The following NPSR1 variants were observed in gnomAD, a reference collection of about 807,000 sequenced individuals.
NPSR1 encodes the protein neuropeptide S receptor.
In NPSR1, 48 loss-of-function variants were observed where a neutral mutation model predicts 46.9. The ratio of observed to expected loss-of-function variants is 1.02; its 90% CI spans 0.81 to 1.30. The LOEUF (loss-of-function observed/expected upper bound fraction) is 1.30. Ranked by LOEUF, NPSR1 falls within the 50% of genes most tolerant of loss-of-function variation. The pLI is 0.00. For missense variants in NPSR1, 450 were observed against 449.5 expected (o/e 1.00, Z -0.01); for synonymous variants, 176 against 168.1 (o/e 1.05, Z -0.36).
At chr7:34,788,594 T>G (rs1787577678) in intron 3 of NPSR1, among the ~76,000 whole-genome samples, 1 of 152,038 alleles carries the variant, frequency 6.6e-6, no homozygotes, top group African/African-American at 2.4e-5. Flanking sequence ...AATAAACGGA[T>G]TATTTCATCA....
At chr7:34,784,194 G>C (rs1461803817) in intron 3 of NPSR1, among the ~76,000 whole-genome samples, 3 of 152,130 alleles carry the variant, frequency 2.0e-5, no homozygotes, top group African/African-American at 7.2e-5. Context: ...CTGCCTAATG[G>C]CCCTGGCCAG....
At chr7:34,836,860 T>C (rs1790395606) in intron 6 of NPSR1, among the ~76,000 whole-genome samples, 1 of 152,128 alleles carries the variant, frequency 6.6e-6, no homozygotes, top group Admixed American at 6.5e-5. Context: ...GCATAATAAT[T>C]ATATAGCCAT....
At chr7:34,798,610 C>T (rs1484224412) in intron 3 of NPSR1, among the ~76,000 whole-genome samples, 2 of 152,122 alleles carry the variant, frequency 1.3e-5, no homozygotes, top group African/African-American at 4.8e-5. Flanking sequence ...GTGAACTGAA[C>T]TATTAATTAA....
intron 8 of NPSR1, among the ~76,000 whole-genome samples, chr7:34,875,880 C>T (rs1348632306): frequency 6.6e-6 from 1 of 152,078 alleles, no homozygotes; most frequent in African/African-American, 2.4e-5. Context: ...TGTGTGTGCA[C>T]CATGCTTAGC....
At chr7:34,698,403 C>A (rs1793644423) in intron 2 of NPSR1, among the ~76,000 whole-genome samples, 1 of 152,078 alleles carries the variant, frequency 6.6e-6, no homozygotes, top group South Asian at 2.1e-4. Context: ...AGGAATCAAG[C>A]AGGCAATGAA....
At chr7:34,701,401 A>G (rs1793823216) in intron 2 of NPSR1, among the ~76,000 whole-genome samples, 1 of 152,202 alleles carries the variant, frequency 6.6e-6, no homozygotes, top group Non-Finnish European at 1.5e-5. Flanking sequence ...TGATTCTTCT[A>G]AAAACCCATT....
At chr7:34,837,774 A>G (rs906186125) in intron 6 of NPSR1, among the ~76,000 whole-genome samples, 1 of 152,184 alleles carries the variant, frequency 6.6e-6, no homozygotes, top group Non-Finnish European at 1.5e-5. Context: ...TAAAAACACA[A>G]ACTCAGGGTC....
At chr7:34,697,855 C>T (rs2128693867) in intron 2 of NPSR1, among the ~76,000 whole-genome samples, 1 of 152,086 alleles carries the variant, frequency 6.6e-6, no homozygotes, top group East Asian at 1.9e-4. Flanking sequence ...TAGGCCAGTA[C>T]ACTTAACCTC....
At chr7:34,810,882 G>A (rs1374135320) in intron 3 of NPSR1, among the ~76,000 whole-genome samples, 1 of 152,166 alleles carries the variant, frequency 6.6e-6, no homozygotes, top group Non-Finnish European at 1.5e-5. Flanking sequence ...GTGTGGAGAT[G>A]AAAAGGGAGA....
intron 4 of NPSR1, among the ~76,000 whole-genome samples, chr7:34,822,818 A>G (rs1240996539): frequency 6.6e-6 from 1 of 152,162 alleles, no homozygotes; most frequent in Non-Finnish European, 1.5e-5. Flanking sequence ...TTTGGGTAAC[A>G]CCTTCATAAT....
At position 34,701,741 on chromosome 7, in the gene NPSR1, T is replaced by C. The variant is rs147636823; in HGVS notation, c.280+17057T>C. ...AATTCAGAGACATTATATCTGGCTT[T>C]TCTGAGGGAGAATAATAAGAACTAA... On this transcript the variant is annotated intron_variant, in intron 2 of 8. Coordinates refer to ENST00000360581, the MANE Select transcript of NPSR1 (RefSeq NM_207172.2). Among the ~76,000 whole-genome samples, 455 of 152,294 alleles carry C rather than the reference T, an allele frequency of 3.0e-3. 1 individual carries two copies. The highest frequency in any genetic ancestry group is 5.4e-3 in the Non-Finnish European group (366 of 68,024).
At chr7:34,776,884 C>T (rs1328266265) in intron 2 of NPSR1, among the ~76,000 whole-genome samples, 2 of 152,170 alleles carry the variant, frequency 1.3e-5, no homozygotes, top group African/African-American at 4.8e-5. Context: ...GGAAAGGCGG[C>T]CTCTCAGAGC....
At chr7:34,680,254 TGAAATG>T (rs1407019437) in intron 1 of NPSR1, among the ~76,000 whole-genome samples, 12 of 152,160 alleles carry the variant, frequency 7.9e-5, no homozygotes, top group Non-Finnish European at 2.9e-5. Flanking sequence ...AAAGACTTAA[TGAAATG>T]ACAATTAAGA....
intron 2 of NPSR1, among the ~76,000 whole-genome samples, chr7:34,774,466 T>C (rs1786849792): frequency 6.6e-6 from 1 of 152,206 alleles, no homozygotes; most frequent in Non-Finnish European, 1.5e-5. Flanking sequence ...GTGTATGACT[T>C]AGTGCATTGG....
chr7:34,735,998 A>G (rs1784649613), intron 2 of NPSR1, among the ~76,000 whole-genome samples: 1 of 152,274 alleles, frequency 6.6e-6, no homozygotes, highest in Non-Finnish European at 1.5e-5. Context: ...CTCACATTAA[A>G]GACAGGGATG....
chr7:34,815,653 C>T (rs542019876), intron 4 of NPSR1, among the ~76,000 whole-genome samples: 3 of 152,196 alleles, frequency 2.0e-5, no homozygotes, highest in South Asian at 2.1e-4. Context: ...AAAATGTTAA[C>T]GGCAGCCAGA....
intron 2 of NPSR1, among the ~76,000 whole-genome samples, chr7:34,685,353 A>G (rs1028814070): frequency 1.3e-5 from 2 of 152,342 alleles, no homozygotes; most frequent in Non-Finnish European, 2.9e-5. Flanking sequence ...AAAGAAAAAC[A>G]CAACCAGGGA....
intron 3 of NPSR1, among the ~76,000 whole-genome samples, chr7:34,806,284 C>T (rs573909482): frequency 1.6e-3 from 236 of 152,132 alleles, no homozygotes; most frequent in African/African-American, 5.5e-3. Context: ...TCCTCAAAAG[C>T]TGAATGGATA....
intron 3 of NPSR1, among the ~76,000 whole-genome samples, chr7:34,790,606 C>A (rs1051917559): frequency 2.7e-5 from 4 of 148,318 alleles, no homozygotes; most frequent in Non-Finnish European, 5.9e-5. Flanking sequence ...TTGAAGATGA[C>A]CTGATCCTAC....
Sources: allele counts gnomAD v4.1 joint callset (sites outside exome capture counted in the v4.1 genomes callset), GRCh38; gene constraint gnomAD v4.1.1; transcripts MANE v1.5; gene names NCBI Gene and HGNC (gene_info 2026-07-23, HGNC 2026-07-21).